The following ARHGAP10 variants were observed in gnomAD, a reference collection of about 807,000 sequenced individuals.
The protein encoded by ARHGAP10 is Rho GTPase activating protein 10, also known as rho GTPase-activating protein 10.
Under a neutral mutation model 108.6 loss-of-function variants are expected in ARHGAP10, and 87 were observed. The ratio of observed to expected loss-of-function variants is 0.80; its 90% confidence interval spans 0.67 to 0.96. ARHGAP10 has a LOEUF of 0.96. Among genes scored for constraint, ARHGAP10 ranks in the 40% least tolerant of loss-of-function variants. ARHGAP10 has a pLI of 0.00. For missense variants in ARHGAP10, 939 were observed against 954.5 expected (o/e 0.98, Z 0.21); for synonymous variants, 347 against 341.1 (o/e 1.02, Z -0.19).
chr4:147,941,010 A>G (rs1315045698), intron 14 of ARHGAP10, among the ~76,000 whole-genome samples: 3 of 152,210 alleles, frequency 2.0e-5, no homozygotes, highest in Admixed American at 1.3e-4. Context: ...TTTTACCAAT[A>G]GTGGTCTCCA....
intron 1 of ARHGAP10, among the ~76,000 whole-genome samples, chr4:147,778,785 T>C (rs184408376): frequency 1.9e-4 from 29 of 152,324 alleles, no homozygotes; most frequent in Non-Finnish European, 2.9e-5. Flanking sequence ...CTTGCTCCAT[T>C]TCATTTTAAT....
intron 10 of ARHGAP10, among the ~76,000 whole-genome samples, chr4:147,904,594 A>G (rs1038634896): frequency 5.9e-5 from 9 of 152,120 alleles, no homozygotes; most frequent in East Asian, 1.9e-4. Flanking sequence ...GTATTCCATG[A>G]TGTATATGTG....
chr4:147,793,367 A>G (rs1731198525), intron 1 of ARHGAP10, among the ~76,000 whole-genome samples: 1 of 151,692 alleles, frequency 6.6e-6, no homozygotes, highest in South Asian at 2.1e-4. Flanking sequence ...AATTCTGGAA[A>G]GAATACCCAG....
At chr4:147,761,590 C>A (rs1326803734) in intron 1 of ARHGAP10, among the ~76,000 whole-genome samples, 1 of 152,102 alleles carries the variant, frequency 6.6e-6, no homozygotes, top group Non-Finnish European at 1.5e-5. Context: ...AGCAGTCTTT[C>A]AGGAAAGGAA....
intron 1 of ARHGAP10, among the ~76,000 whole-genome samples, chr4:147,821,347 G>A (rs1454593496): frequency 2.0e-5 from 3 of 152,182 alleles, no homozygotes; most frequent in Non-Finnish European, 4.4e-5. Flanking sequence ...AGATGTGCCT[G>A]CAAGGAGGGC....
intron 4 of ARHGAP10, among the ~76,000 whole-genome samples, chr4:147,850,946 C>CT (rs1302231579): frequency 1.2e-4 from 18 of 152,168 alleles, no homozygotes; most frequent in Non-Finnish European, 2.2e-4. Flanking sequence ...AACAAAAACT[C>CT]TGAGAAATAC....
intron 13 of ARHGAP10, among the ~76,000 whole-genome samples, chr4:147,930,977 C>G (rs1737654489): frequency 6.6e-6 from 1 of 152,224 alleles, no homozygotes; most frequent in Non-Finnish European, 1.5e-5. Flanking sequence ...TCAGTAGTTC[C>G]ATGCAGGTGT....
chr4:147,983,392 AGCCAGGATG>A (rs535547253), intron 18 of ARHGAP10, among the ~76,000 whole-genome samples: 88 of 151,588 alleles, frequency 5.8e-4, no homozygotes, highest in South Asian at 2.9e-3. Context: ...TCACCGTGTT[AGCCAGGATG>A]GTCTCCATCT....
chr4:147,747,511 C>G (rs967878620), intron 1 of ARHGAP10, among the ~76,000 whole-genome samples: 5 of 152,180 alleles, frequency 3.3e-5, no homozygotes, highest in African/African-American at 1.2e-4. Flanking sequence ...CAGGGCTGGA[C>G]ACCCTGACCG....
intron 1 of ARHGAP10, chr4:147,782,678 C>T (rs970270172): frequency 2.6e-5 from 4 of 151,704 alleles, no homozygotes; most frequent in Non-Finnish European, 5.9e-5. Flanking sequence ...TCTGAGATGC[C>T]CAGTACTGAC....
chr4:147,898,227 TC>T (rs1736079221), intron 10 of ARHGAP10, among the ~76,000 whole-genome samples: 1 of 152,146 alleles, frequency 6.6e-6, no homozygotes, highest in Non-Finnish European at 1.5e-5. Flanking sequence ...AAGATTTCTT[TC>T]CTATTTTGTC....
intron 1 of ARHGAP10, among the ~76,000 whole-genome samples, chr4:147,750,850 C>T (rs1729112472): frequency 6.6e-6 from 1 of 152,066 alleles, no homozygotes; most frequent in Non-Finnish European, 1.5e-5. Context: ...ATCCGCCTGC[C>T]TCAGCCTCCC....
At chr4:147,931,939 G>A (rs908684903) in intron 13 of ARHGAP10, among the ~76,000 whole-genome samples, 1 of 152,062 alleles carries the variant, frequency 6.6e-6, no homozygotes. Flanking sequence ...TGACAAAGGT[G>A]TAATATCCAG....
chr4:147,991,943 G>A (rs1740293677), intron 18 of ARHGAP10, among the ~76,000 whole-genome samples: 1 of 152,178 alleles, frequency 6.6e-6, no homozygotes, highest in Non-Finnish European at 1.5e-5. Context: ...GGGTCTCCCC[G>A]TTCTATAGGT....
At chr4:147,945,915 T>C (rs1200516792) in intron 14 of ARHGAP10, among the ~76,000 whole-genome samples, 1 of 152,146 alleles carries the variant, frequency 6.6e-6, no homozygotes, top group African/African-American at 2.4e-5. Flanking sequence ...ACCTCTCATA[T>C]TGAACGCAAG....
chr4:147,784,805 T>TATATTATAAAATATATATTATA (rs1323904773), intron 1 of ARHGAP10, among the ~76,000 whole-genome samples: 2 of 7,250 alleles, frequency 2.8e-4, no homozygotes, highest in African/African-American at 3.3e-4. Flanking sequence ...ATTATAAATA[T>TATATTATAAAATATATATTATA]AATATATTAT....
At chr4:148,023,705 G>A (rs1741661257) in intron 19 of ARHGAP10, among the ~76,000 whole-genome samples, 1 of 152,196 alleles carries the variant, frequency 6.6e-6, no homozygotes, top group African/African-American at 2.4e-5. Flanking sequence ...ATAACCCTGA[G>A]ACAAATGGAA....
intron 22 of ARHGAP10, among the ~76,000 whole-genome samples, chr4:148,070,495 G>T (rs1730121773): frequency 6.6e-6 from 1 of 152,192 alleles, no homozygotes; most frequent in African/African-American, 2.4e-5. Context: ...ATTAGAATTG[G>T]ATTGTCCCTG....
intron 19 of ARHGAP10, among the ~76,000 whole-genome samples, chr4:148,026,524 T>G (rs1263411866): frequency 6.6e-6 from 1 of 152,246 alleles, no homozygotes; most frequent in Non-Finnish European, 1.5e-5. Flanking sequence ...GTATGCTCAT[T>G]ATTTTTCTTT....
Sources: gnomAD v4.1 joint callset for allele counts (sites outside exome capture counted in the v4.1 genomes callset) on GRCh38, gnomAD v4.1.1 for gene constraint, MANE v1.5 for transcripts, NCBI Gene and HGNC (gene_info 2026-07-23, HGNC 2026-07-21) for gene names.